Variants in CFAP52 observed in about 807,000 individuals in gnomAD.
CFAP52 encodes cilia and flagella associated protein 52, also known as cilia- and flagella-associated protein 52.
A neutral mutation model predicts 70.5 loss-of-function variants in CFAP52; 57 were observed. That is an observed-to-expected ratio of 0.81 (90% CI 0.65 to 1.01). CFAP52 has a LOEUF of 1.01. CFAP52 is among the 50% of genes least tolerant of loss of function. The probability of loss-of-function intolerance (pLI) is 0.00; values close to 1 mark genes in which losing one functional copy is unlikely to be tolerated. For synonymous variants in CFAP52, 267 were observed against 292.5 expected (o/e 0.91, Z 0.89); for missense variants, 785 against 788.5 (o/e 1.00, Z 0.05).
chr17:9,590,788 G>A (rs1176860177), intron 3 of CFAP52, among the ~76,000 whole-genome samples: 6 of 151,920 alleles, frequency 3.9e-5, no homozygotes, highest in Non-Finnish European at 7.4e-5. Context: ...CAAGAATGTT[G>A]AAAACCAAAA....
chr17:9,586,134 G>T (rs529552869), intron 2 of CFAP52, among the ~76,000 whole-genome samples, 162 bp downstream of exon 2: 2 of 152,124 alleles, frequency 1.3e-5, no homozygotes, highest in Admixed American at 6.6e-5. Flanking sequence ...GTCAGACCGG[G>T]AGTGAAGGAC....
At position 9,641,777 on chromosome 17, in the gene CFAP52, C is replaced by G. The variant is rs1282315922; in HGVS notation, c.1629C>G (p.Ser543=). ...DGTVIRELEG[S]LSGSINGMDI... Reference sequence around the variant, plus strand: ...CAGTAATCAGAGAATTGGAAGGTTCCCTGTCTGGGTCGATAAATGGCATGG... The same window carrying G: ...CAGTAATCAGAGAATTGGAAGGTTCGCTGTCTGGGTCGATAAATGGCATGG... Residue 543 remains serine, a synonymous_variant, in exon 13 of 14, where the codon TCC becomes TCG. Coordinates refer to ENST00000352665, the MANE Select transcript of CFAP52 (RefSeq NM_145054.5). 1.2e-6 allele frequency: 2 copies of G among 1,613,964 alleles called. No individual in the cohort carries two copies. Among genetic ancestry groups the G allele is most frequent in the South Asian group, 2.2e-5 (2 of 91,062 alleles).
At position 9,638,701 on chromosome 17, in the gene CFAP52, C is replaced by G. The variant is rs1910918488; in HGVS notation, c.1565C>G (p.Thr522Arg). ...GAGTTCCAGATCATCACCAGCGGAA[C>G]AGACAGAAAGGTGAGTCCTCCCAGT... Reference protein sequence around the residue: ...PEEFQIITSGTDRKIAYWEVF... With the variant: ...PEEFQIITSGRDRKIAYWEVF... Residue 522 changes from threonine (T) to arginine (R), a missense_variant, in exon 12 of 14, where the codon ACA becomes AGA. Coordinates refer to ENST00000352665, the MANE Select transcript of CFAP52 (RefSeq NM_145054.5). The G allele has an allele frequency of 8.7e-6, 14 of 1,613,980 alleles. No individual in the cohort carries two copies. The highest frequency in any genetic ancestry group is 1.2e-5 in the Non-Finnish European group (14 of 1,179,986).
rs1238713027 is a variant in CFAP52 at position 9,630,985 on chromosome 17, CA to C, written c.1175-1895del. On this transcript the variant is annotated intron_variant, in intron 9 of 13. Coordinates refer to ENST00000352665, the MANE Select transcript of CFAP52 (RefSeq NM_145054.5). Reference sequence around the variant, plus strand: ...TGGGTAACAGAGCCAGACTCCATCTCAAAAAAAAGAAAGAAAGAAAGAAAGA... The same window carrying C: ...TGGGTAACAGAGCCAGACTCCATCTCAAAAAAAGAAAGAAAGAAAGAAAGA... Among the ~76,000 whole-genome samples the C allele has an allele frequency of 3.2e-5, 3 of 92,712 alleles. No homozygotes were observed. The East Asian group carries it at 9.2e-4, about 28-fold the overall frequency. 60.8% of individuals were successfully genotyped at this position (92,712 alleles called of 152,430 possible). A position where few individuals can be genotyped will look rare whatever the true frequency, so the allele number is the denominator to read the frequency against.
In CFAP52 at chr17:9,586,964, C is replaced by A. The variant is rs1402850444; in HGVS notation, c.407+130C>A. The A allele has an allele frequency of 1.2e-5, 14 of 1,145,594 alleles. No individual in the cohort carries two copies. The Admixed American group carries it at 2.8e-4, about 23-fold the overall frequency. The allele number at this position is 1,145,594 out of a possible 1,614,324, so 71.0% of individuals were successfully genotyped here. On this transcript the variant is annotated intron_variant, in intron 3 of 13. Coordinates refer to ENST00000352665, the MANE Select transcript of CFAP52 (RefSeq NM_145054.5). The stretch of plus-strand genomic sequence containing the variant: ...GGGTTTGTTGTACAGATTATTTCAT[C>A]AACCAGGTGCTCAGCCTAGTACCCA...
chr17:9,593,086 A>T (rs561939136), intron 3 of CFAP52, among the ~76,000 whole-genome samples: 66 of 152,316 alleles, frequency 4.3e-4, no homozygotes, highest in African/African-American at 1.5e-3. Context: ...GTGATAATAC[A>T]TTCCATATGT....
At chr17:9,614,435 C>T (rs769607076) in intron 8 of CFAP52, among the ~76,000 whole-genome samples, 3 of 152,138 alleles carry the variant, frequency 2.0e-5, no homozygotes, top group African/African-American at 4.8e-5. Context: ...GGATTACAGG[C>T]GTGAGCCACC....
At chr17:9,644,431 G>T (rs552060142), downstream of CFAP52, among the ~76,000 whole-genome samples, 7 of 152,124 alleles carry the variant, frequency 4.6e-5, no homozygotes, top group Non-Finnish European at 1.0e-4. Flanking sequence ...AATAAATGAT[G>T]ATCACTTATT....
At chr17:9,628,859 C>G in intron 9 of CFAP52, 39 bp downstream of exon 9, 2 of 1,612,084 alleles carry the variant, frequency 1.2e-6, no homozygotes, top group Non-Finnish European at 1.7e-6. Context: ...GGGGCTCTAG[C>G]TGCGGTTTTG....
chr17:9,596,153 G>A (rs1909013045), intron 4 of CFAP52, among the ~76,000 whole-genome samples: 1 of 147,856 alleles, frequency 6.8e-6, no homozygotes, highest in Non-Finnish European at 1.5e-5. Flanking sequence ...AGGCTGGAGT[G>A]CAATGGCGCA....
chr17:9,626,903 A>G (rs1005675898), intron 8 of CFAP52, among the ~76,000 whole-genome samples: 1 of 152,092 alleles, frequency 6.6e-6, no homozygotes, highest in African/African-American at 2.4e-5. Flanking sequence ...CTCTTTTTTG[A>G]AATGTGTTCA....
intron 3 of CFAP52, among the ~76,000 whole-genome samples, chr17:9,592,590 A>G (rs1441000860): frequency 2.0e-5 from 3 of 152,218 alleles, no homozygotes; most frequent in Non-Finnish European, 4.4e-5. Context: ...CTATTCTAAA[A>G]CATTTCTCAT....
At chr17:9,636,793 C>T (rs1910824953) in intron 11 of CFAP52, among the ~76,000 whole-genome samples, 1 of 151,990 alleles carries the variant, frequency 6.6e-6, no homozygotes, top group East Asian at 1.9e-4. Context: ...CCGCCTGTAA[C>T]CCCAGCACTT....
At chr17:9,627,012 G>A (rs1910259484) in intron 8 of CFAP52, among the ~76,000 whole-genome samples, 1 of 151,586 alleles carries the variant, frequency 6.6e-6, no homozygotes, top group African/African-American at 2.4e-5. Context: ...GAACCAAATG[G>A]TCTTTATTGT....
At chr17:9,576,965 C>A (rs2151922605) in intron 1 of CFAP52, among the ~76,000 whole-genome samples, 200 bp downstream of exon 1, 1 of 152,198 alleles carries the variant, frequency 6.6e-6, no homozygotes, top group East Asian at 1.9e-4. Flanking sequence ...CGATCCAAGC[C>A]TCAGGGAGTG....
chr17:9,628,950 T>C, intron 9 of CFAP52, 130 bp downstream of exon 9: 1 of 1,355,872 alleles, frequency 7.4e-7, no homozygotes, highest in Non-Finnish European at 1.0e-6. Context: ...CCCTTCTTGC[T>C]TCTAATCTAG....
intron 6 of CFAP52, among the ~76,000 whole-genome samples, chr17:9,601,580 A>ACTTCTG (rs1371485978): frequency 3.9e-5 from 6 of 152,156 alleles, no homozygotes; most frequent in African/African-American, 1.2e-4. Context: ...CTACTTTACT[A>ACTTCTG]ACTAGATCTT....
At chr17:9,581,161 CA>C (rs1908211167) in intron 1 of CFAP52, among the ~76,000 whole-genome samples, 1 of 151,984 alleles carries the variant, frequency 6.6e-6, no homozygotes, top group Non-Finnish European at 1.5e-5. Flanking sequence ...CTAAAAATAC[CA>C]AAAAATTAGC....
chr17:9,592,281 A>G (rs1479433649), intron 3 of CFAP52, among the ~76,000 whole-genome samples: 5 of 151,960 alleles, frequency 3.3e-5, no homozygotes, highest in Non-Finnish European at 1.5e-5. Flanking sequence ...CGGCCAACAT[A>G]GTGAAACCCT....
Sources: allele counts gnomAD v4.1 joint callset (sites outside exome capture counted in the v4.1 genomes callset), GRCh38; gene constraint gnomAD v4.1.1; transcripts MANE v1.5; gene names NCBI Gene and HGNC (gene_info 2026-07-23, HGNC 2026-07-21).